Variants in DLC1 observed in about 807,000 individuals in gnomAD.
DLC1 encodes the protein DLC1 Rho GTPase activating protein, also known as rho GTPase-activating protein 7.
In DLC1, 54 loss-of-function variants were observed where a neutral mutation model predicts 140.3. That is an observed-to-expected ratio of 0.38 (90% confidence interval 0.31 to 0.48). DLC1 has a LOEUF of 0.48. Among genes scored for constraint, DLC1 ranks in the 20% least tolerant of loss-of-function variants. DLC1 has a pLI of 0.96. For synonymous variants in DLC1, 986 were observed against 728.1 expected, an observed-to-expected ratio of 1.35 and a Z score of -5.70; for missense variants, 2,536 against 1,907.0, an observed-to-expected ratio of 1.33 and a Z score of -6.14.
At chr8:13,535,856 A>G (rs1383881) in intron 1 of DLC1, among the ~76,000 whole-genome samples, 26,736 of 151,726 alleles carry the variant, frequency 0.18, 4,833 homozygotes, top group East Asian at 0.45. Context: ...TCAGTATCCT[A>G]TATAGTTCCT....
chr8:13,133,460 C>A, intron 5 of DLC1: 1 of 325,154 alleles, frequency 3.1e-6, no homozygotes, highest in South Asian at 9.1e-5. Flanking sequence ...CCCTCTTCCT[C>A]GTGGCCGCAG....
chr8:13,137,432 G>A (rs193226094), intron 5 of DLC1, among the ~76,000 whole-genome samples: 1 of 150,972 alleles, frequency 6.6e-6, no homozygotes, highest in East Asian at 2.0e-4. Flanking sequence ...CTCTGAAAAT[G>A]TTTCAATACA....
intron 2 of DLC1, among the ~76,000 whole-genome samples, chr8:13,477,335 C>T (rs554516763): frequency 7.2e-5 from 11 of 152,210 alleles, no homozygotes; most frequent in South Asian, 6.2e-4. Context: ...AACAGTTACG[C>T]GGTAAGTGCT....
chr8:13,314,516 A>G (rs181982241), intron 4 of DLC1, among the ~76,000 whole-genome samples: 1 of 152,110 alleles, frequency 6.6e-6, no homozygotes, highest in Admixed American at 6.5e-5. Context: ...TAAAGCATTT[A>G]CTCATATCCA....
chr8:13,534,691 C>T (rs1183931325), intron 1 of DLC1, among the ~76,000 whole-genome samples: 5 of 152,188 alleles, frequency 3.3e-5, no homozygotes, highest in East Asian at 1.9e-4. Context: ...CTGTCATTCG[C>T]GTGGCCAGAG....
intron 1 of DLC1, among the ~76,000 whole-genome samples, chr8:13,574,669 A>C (rs2117423491): frequency 6.6e-6 from 1 of 152,308 alleles, no homozygotes; most frequent in Middle Eastern, 3.4e-3. Context: ...TTATCATCAA[A>C]TAGACTAAAA....
chr8:13,342,240 A>C (rs1834095179), intron 4 of DLC1: 1 of 152,242 alleles, frequency 6.6e-6, no homozygotes, highest in South Asian at 2.1e-4. Flanking sequence ...CTTACACTGA[A>C]AAACAGTCAC....
chr8:13,138,683 A>T (rs181300958), intron 5 of DLC1, among the ~76,000 whole-genome samples: 1 of 152,372 alleles, frequency 6.6e-6, no homozygotes, highest in East Asian at 1.9e-4. Context: ...TTAGAAATTG[A>T]ATGGCTGTCC....
chr8:13,161,066 G>C (rs1824656421), intron 5 of DLC1, among the ~76,000 whole-genome samples: 1 of 152,214 alleles, frequency 6.6e-6, no homozygotes, highest in Non-Finnish European at 1.5e-5. Flanking sequence ...GGGCGACAGA[G>C]CGAGACTCCG....
At chr8:13,150,604 G>C (rs1039297339) in intron 5 of DLC1, among the ~76,000 whole-genome samples, 3 of 152,176 alleles carry the variant, frequency 2.0e-5, no homozygotes, top group African/African-American at 7.2e-5. Flanking sequence ...TATTAGTGGG[G>C]ACTTCCTCCT....
At chr8:13,252,158 T>G (rs188117606) in intron 5 of DLC1, among the ~76,000 whole-genome samples, 11 of 152,272 alleles carry the variant, frequency 7.2e-5, no homozygotes, top group Admixed American at 3.3e-4. Context: ...TTGATTAAAT[T>G]AAATAAAAAG....
intron 5 of DLC1, among the ~76,000 whole-genome samples, chr8:13,176,886 A>T (rs1356716953): frequency 6.6e-6 from 1 of 152,148 alleles, no homozygotes; most frequent in Non-Finnish European, 1.5e-5. Flanking sequence ...AAGCAATATG[A>T]GAAGAACTGG....
At chr8:13,276,351 A>G in intron 5 of DLC1, 1 of 1,525,070 alleles carries the variant, frequency 6.6e-7, no homozygotes, top group African/African-American at 1.4e-5. Context: ...GGACCTCCGG[A>G]GAGGGGCTCG....
At chr8:13,485,225 CT>C (rs1179390626) in intron 2 of DLC1, among the ~76,000 whole-genome samples, 1 of 152,104 alleles carries the variant, frequency 6.6e-6, no homozygotes, top group Non-Finnish European at 1.5e-5. Flanking sequence ...TTTTATTTTT[CT>C]TTCCCAAGTC....
chr8:13,086,052 A>C, intron 17 of DLC1, 121 bp from the exon 18 acceptor site: 1 of 1,450,890 alleles, frequency 6.9e-7, no homozygotes, highest in South Asian at 1.4e-5. Context: ...ATGCCTTTGA[A>C]TTCATGGCCG....
At chr8:13,604,097 T>C (rs944142669) in intron 1 of DLC1, among the ~76,000 whole-genome samples, 8 of 152,142 alleles carry the variant, frequency 5.3e-5, no homozygotes, top group Non-Finnish European at 1.0e-4. Context: ...TGTTATGATA[T>C]GCTGAAATTA....
intron 4 of DLC1, among the ~76,000 whole-genome samples, chr8:13,384,281 A>G (rs773010968): frequency 1.3e-5 from 2 of 151,994 alleles, no homozygotes; most frequent in Non-Finnish European, 2.9e-5. Context: ...AATAAGCTAG[A>G]AAGGAAAAGG....
intron 5 of DLC1, among the ~76,000 whole-genome samples, chr8:13,286,828 A>G (rs1205100175): frequency 1.3e-5 from 2 of 152,132 alleles, no homozygotes; most frequent in Non-Finnish European, 2.9e-5. Context: ...GAAAAAAAGA[A>G]AGCCTTTGAT....
intron 5 of DLC1, among the ~76,000 whole-genome samples, chr8:13,293,093 G>A (rs1340590886): frequency 1.3e-5 from 2 of 152,158 alleles, no homozygotes; most frequent in African/African-American, 4.8e-5. Context: ...AGTTGGTCAT[G>A]GTGGTGCATG....
Sources: gnomAD v4.1 joint callset for allele counts (sites outside exome capture counted in the v4.1 genomes callset) on GRCh38, gnomAD v4.1.1 for gene constraint, MANE v1.5 for transcripts, NCBI Gene and HGNC (gene_info 2026-07-23, HGNC 2026-07-21) for gene names.